Variants in ITGA9 observed in about 807,000 individuals in gnomAD.
The protein encoded by ITGA9 is integrin subunit alpha 9, also known as integrin alpha-9.
In ITGA9, 56 loss-of-function variants were observed where a neutral mutation model predicts 127.8. The observed-to-expected ratio is 0.44, with a 90% CI of 0.35 to 0.55. The LOEUF (loss-of-function observed/expected upper bound fraction) is 0.55. Among genes scored for constraint, ITGA9 ranks in the 20% least tolerant of loss-of-function variants. The probability of loss-of-function intolerance (pLI) is 0.00; values close to 1 mark genes in which losing one functional copy is unlikely to be tolerated. For missense variants in ITGA9, 1,196 were observed against 1,347.1 expected (o/e 0.89, Z 1.76); for synonymous variants, 508 against 514.5 (o/e 0.99, Z 0.17).
intron 17 of ITGA9, among the ~76,000 whole-genome samples, chr3:37,679,809 C>CT (rs1335385968): frequency 3.3e-5 from 5 of 152,228 alleles, no homozygotes; most frequent in African/African-American, 1.2e-4. Flanking sequence ...AGGCACTACT[C>CT]TGTCACTAGG....
chr3:37,593,866 C>T (rs891944976), intron 15 of ITGA9, among the ~76,000 whole-genome samples: 12 of 140,374 alleles, frequency 8.5e-5, no homozygotes, highest in East Asian at 4.4e-4. Flanking sequence ...CGTGTGGACA[C>T]AACTTCCTCT....
At position 37,680,974 on chromosome 3, in the gene ITGA9, C is replaced by T. The variant is rs1340161564; in HGVS notation, c.1917-2891C>T. Among the ~76,000 whole-genome samples, 5 of 152,288 alleles carry T rather than the reference C, an allele frequency of 3.3e-5. No individual in the cohort carries two copies. In the Middle Eastern group the frequency reaches 0.01, roughly 311 times the overall value. ...GTTTGGATCCTCAGAGCCCGTGCTTCCAAAGCAAGGCCATCATATTTCTCA... is the reference window on the plus strand; with the variant it reads ...GTTTGGATCCTCAGAGCCCGTGCTTTCAAAGCAAGGCCATCATATTTCTCA... On this transcript the variant is annotated intron_variant, in intron 17 of 27. Coordinates refer to ENST00000264741, the MANE Select transcript of ITGA9 (RefSeq NM_002207.3).
chr3:37,527,029 G>A (rs370861876), intron 13 of ITGA9, among the ~76,000 whole-genome samples: 59 of 152,354 alleles, frequency 3.9e-4, no homozygotes, highest in African/African-American at 1.1e-3. Flanking sequence ...GAACTCAGGG[G>A]CCAGGTGGCC....
chr3:37,456,751 A>G (rs1055099653), intron 1 of ITGA9, among the ~76,000 whole-genome samples: 6 of 152,394 alleles, frequency 3.9e-5, no homozygotes, highest in African/African-American at 1.4e-4. Context: ...GGCAATTCCA[A>G]GCCAAGGAGA....
At chr3:37,641,521 G>A (rs1033215710) in intron 16 of ITGA9, among the ~76,000 whole-genome samples, 8 of 152,202 alleles carry the variant, frequency 5.3e-5, no homozygotes, top group Admixed American at 2.6e-4. Context: ...TCGGGAGCCA[G>A]CCGCACCACC....
intron 16 of ITGA9, among the ~76,000 whole-genome samples, chr3:37,645,642 ATTC>A (rs1360911686): frequency 1.3e-5 from 2 of 152,156 alleles, no homozygotes; most frequent in African/African-American, 2.4e-5. Flanking sequence ...ATTCAGTCCA[ATTC>A]TTCTACTTTT....
chr3:37,777,095 A>C (rs1301210892), intron 23 of ITGA9, among the ~76,000 whole-genome samples: 1 of 152,212 alleles, frequency 6.6e-6, no homozygotes, highest in African/African-American at 2.4e-5. Flanking sequence ...AAAACCATGG[A>C]GTATAAGGCT....
chr3:37,637,231 C>T (rs889608009), intron 16 of ITGA9, among the ~76,000 whole-genome samples: 2 of 152,088 alleles, frequency 1.3e-5, no homozygotes, highest in African/African-American at 4.8e-5. Flanking sequence ...GGCAGTATGG[C>T]CATTTTCACG....
chr3:37,761,152 G>C (rs75302269), intron 23 of ITGA9, among the ~76,000 whole-genome samples: 4,530 of 152,280 alleles, frequency 0.03, 98 homozygotes, highest in Non-Finnish European at 0.047. Flanking sequence ...CTGGTAATCA[G>C]AGCAATGCAA....
chr3:37,565,532 C>T (rs2125602005), intron 15 of ITGA9, among the ~76,000 whole-genome samples: 2 of 152,342 alleles, frequency 1.3e-5, no homozygotes, highest in Admixed American at 6.5e-5. Flanking sequence ...CATAGAATCA[C>T]CTGAAGGGCT....
At chr3:37,724,237 G>A (rs1365463103) in intron 18 of ITGA9, among the ~76,000 whole-genome samples, 1 of 152,052 alleles carries the variant, frequency 6.6e-6, no homozygotes, top group Non-Finnish European at 1.5e-5. Flanking sequence ...CACCCTCTCT[G>A]CTACTATGTC....
intron 16 of ITGA9, among the ~76,000 whole-genome samples, chr3:37,652,484 G>GA (rs1559558660): frequency 3.3e-5 from 5 of 152,178 alleles, no homozygotes; most frequent in African/African-American, 1.2e-4. Flanking sequence ...GATAATCAAG[G>GA]AAGGGAGTGT....
intron 22 of ITGA9, among the ~76,000 whole-genome samples, chr3:37,744,791 G>A (rs1409441211): frequency 6.6e-6 from 1 of 152,252 alleles, no homozygotes; most frequent in East Asian, 1.9e-4. Context: ...CAAAATTTTA[G>A]TTCCTTATAG....
At chr3:37,788,317 C>T (rs1697065532) in intron 26 of ITGA9, among the ~76,000 whole-genome samples, 1 of 152,090 alleles carries the variant, frequency 6.6e-6, no homozygotes, top group Non-Finnish European at 1.5e-5. Flanking sequence ...AGAAAAAACA[C>T]ACTACTAGGA....
chr3:37,520,757 A>C (rs1364835183), intron 11 of ITGA9, among the ~76,000 whole-genome samples: 3 of 152,210 alleles, frequency 2.0e-5, no homozygotes, highest in Non-Finnish European at 2.9e-5. Flanking sequence ...GAGCTGCCCT[A>C]GGCTGCGGCA....
chr3:37,463,616 C>T (rs1047249253), intron 1 of ITGA9, among the ~76,000 whole-genome samples: 1 of 152,122 alleles, frequency 6.6e-6, no homozygotes, highest in African/African-American at 2.4e-5. Context: ...ATTCTTTTGG[C>T]CAATGTAAGT....
At position 37,538,201 on chromosome 3, in the gene ITGA9, G is replaced by A. The variant is rs554419985; in HGVS notation, c.1529-4224G>A. Among the ~76,000 whole-genome samples the A allele has an allele frequency of 9.2e-4, 140 of 152,366 alleles. No homozygotes were observed. In the South Asian group the frequency reaches 9.5e-3, roughly 10 times the overall value. On this transcript the variant is annotated intron_variant, in intron 14 of 27. Transcript: ENST00000264741. ...CCATGGTTAGCCTGAAACTCGGGAA[G>A]GAGAATTTGTTAGAATTTCACAGCT...
In ITGA9 at chr3:37,597,542, G is replaced by T. The variant is rs1241404802; in HGVS notation, c.1690-31645G>T. 3.3e-5 allele frequency among the ~76,000 whole-genome samples: 5 copies of T among 152,150 alleles called. No homozygotes were observed. Among genetic ancestry groups the T allele is most frequent in the African/African-American group, 1.2e-4 (5 of 41,420 alleles). ...ATCTCTATTGTACATAGTAATCAGG[G>T]TCTAACATAGCTTCCCTTTCCCACC... is the stretch of plus-strand genomic sequence containing the variant. On this transcript the variant is annotated intron_variant, in intron 15 of 27. Coordinates refer to ENST00000264741, the MANE Select transcript of ITGA9 (RefSeq NM_002207.3). The surrounding 1 kb of genome is among the most constrained non-coding windows in gnomAD (Gnocchi z 4.6).
intron 8 of ITGA9, among the ~76,000 whole-genome samples, chr3:37,512,164 CT>C (rs1228415081): frequency 1.2e-3 from 21 of 17,400 alleles, no homozygotes; most frequent in South Asian, 2.9e-3. Flanking sequence ...CTTTTCTTTT[CT>C]TTTCTTTTCT....
Sources: allele counts gnomAD v4.1 joint callset (sites outside exome capture counted in the v4.1 genomes callset), GRCh38; gene constraint gnomAD v4.1.1; non-coding constraint Gnocchi (gnomAD v3.1); transcripts MANE v1.5; gene names NCBI Gene and HGNC (gene_info 2026-07-23, HGNC 2026-07-21).